The following PLPP3 variants were observed in gnomAD, a reference collection of about 807,000 sequenced individuals.
PLPP3 encodes phospholipid phosphatase 3.
In PLPP3, 6 loss-of-function variants were observed where a neutral mutation model predicts 29.6. That is an observed-to-expected ratio of 0.20 (90% confidence interval 0.11 to 0.40). The LOEUF is 0.40. Ranked by LOEUF, PLPP3 falls within the 10% of genes least tolerant of loss-of-function variation. The probability of loss-of-function intolerance (pLI) is 1.00; values close to 1 mark genes in which losing one functional copy is unlikely to be tolerated. For missense variants in PLPP3, 308 were observed against 407.7 expected, an observed-to-expected ratio of 0.76 and a Z score of 2.11; for synonymous variants, 152 against 159.7, an observed-to-expected ratio of 0.95 and a Z score of 0.36.
intron 1 of PLPP3, among the ~76,000 whole-genome samples, chr1:56,544,665 T>A (rs934304375): frequency 2.0e-5 from 3 of 152,238 alleles, no homozygotes; most frequent in African/African-American, 7.2e-5. Flanking sequence ...AAACAAGATA[T>A]GTAATAGAAC....
chr1:56,520,831 A>C (rs556337293), intron 4 of PLPP3, among the ~76,000 whole-genome samples: 1 of 143,794 alleles, frequency 7.0e-6, no homozygotes, highest in African/African-American at 2.6e-5. Flanking sequence ...GAATTGCTTG[A>C]ATCTGGGAGG....
intron 2 of PLPP3, among the ~76,000 whole-genome samples, chr1:56,533,312 A>G (rs1163644969): frequency 6.6e-6 from 1 of 152,068 alleles, no homozygotes; most frequent in Non-Finnish European, 1.5e-5. Flanking sequence ...GCCTTGGCCT[A>G]TGACAGTTTG....
chr1:56,579,185 C>T lies in PLPP3; in HGVS notation c.-169G>A. 1 of 771,142 alleles carries T rather than the reference C, an allele frequency of 1.3e-6. No individual in the cohort carries two copies. The highest frequency in any genetic ancestry group is 1.9e-6 in the Non-Finnish European group (1 of 513,976). The allele number at this position is 771,142 out of a possible 1,614,324, so 47.8% of individuals were successfully genotyped here. A position where few individuals can be genotyped will look rare whatever the true frequency, so the allele number is the denominator to read the frequency against. Reference sequence around the variant, plus strand: ...TGCAGCCGGGGCTGCCTGCCTCCAACTGCAGAAGGTGGTGTTTTCTGCTCC... The same window carrying T: ...TGCAGCCGGGGCTGCCTGCCTCCAATTGCAGAAGGTGGTGTTTTCTGCTCC... On this transcript the variant is annotated 5_prime_UTR_variant, in exon 1 of 6. Coordinates refer to ENST00000371250, the MANE Select transcript of PLPP3 (RefSeq NM_003713.5).
At chr1:56,563,545 C>T (rs978597802) in intron 1 of PLPP3, among the ~76,000 whole-genome samples, 1 of 152,188 alleles carries the variant, frequency 6.6e-6, no homozygotes, top group Non-Finnish European at 1.5e-5. Flanking sequence ...TAAGGCTCTA[C>T]AGAACTGGAA....
Position 56,578,952 on chromosome 1 carries a change from A to G in PLPP3, c.65T>C (p.Leu22Pro), listed in dbSNP as rs1646257786. 1.2e-6 allele frequency: 2 copies of G among 1,604,884 alleles called. No homozygotes were observed. ...GCCGCTCCTCCTCGGGTTGTTGTTG[A>G]GCGCCGGGCTGCCGCCGTTCTTGCT... ...PESKNGGSPALNNNPRRSGSK... is the reference protein window; with the variant it reads ...PESKNGGSPAPNNNPRRSGSK... Residue 22 changes from leucine (L) to proline (P), a missense_variant, in exon 1 of 6, where the codon CTC becomes CCC. Physicochemically the swap from Leu to Pro is moderately conservative, Grantham distance 98 (BLOSUM62 -3). This residue lies in a region of PLPP3 where 67 missense variants were observed against 61.3 expected (regional missense o/e 1.09). Coordinates refer to ENST00000371250, the MANE Select transcript of PLPP3 (RefSeq NM_003713.5).
chr1:56,567,042 A>G (rs1048081696), intron 1 of PLPP3, among the ~76,000 whole-genome samples: 1 of 152,144 alleles, frequency 6.6e-6, no homozygotes, highest in African/African-American at 2.4e-5. Flanking sequence ...TATAGGTTTT[A>G]CTATTTGCAT....
At chr1:56,557,924 A>G (rs138149580) in intron 1 of PLPP3, among the ~76,000 whole-genome samples, 68 of 152,254 alleles carry the variant, frequency 4.5e-4, no homozygotes, top group African/African-American at 1.5e-3. Flanking sequence ...TTCTTGCCTC[A>G]AAAGGCCCTT....
At chr1:56,555,657 G>A (rs1323841868) in intron 1 of PLPP3, among the ~76,000 whole-genome samples, 1 of 151,886 alleles carries the variant, frequency 6.6e-6, no homozygotes, top group Non-Finnish European at 1.5e-5. Context: ...GCTTAACAAG[G>A]GCCATCATGC....
chr1:56,550,279 T>A (rs1646029308), intron 1 of PLPP3, among the ~76,000 whole-genome samples: 1 of 152,132 alleles, frequency 6.6e-6, no homozygotes, highest in Admixed American at 6.5e-5. Context: ...GAGAACTGGC[T>A]ACAGTAAACA....
At chr1:56,534,503 C>T (rs1386996599) in intron 2 of PLPP3, among the ~76,000 whole-genome samples, 1 of 152,128 alleles carries the variant, frequency 6.6e-6, no homozygotes, top group Non-Finnish European at 1.5e-5. Context: ...ACAAACCTGA[C>T]ATTCAGCAGG....
At chr1:56,568,587 G>A (rs1280909962) in intron 1 of PLPP3, among the ~76,000 whole-genome samples, 1 of 152,158 alleles carries the variant, frequency 6.6e-6, no homozygotes, top group Non-Finnish European at 1.5e-5. Flanking sequence ...ATAGTTCAGA[G>A]GCTCCCAACC....
At chr1:56,554,301 G>C (rs1024857450) in intron 1 of PLPP3, among the ~76,000 whole-genome samples, 2 of 152,088 alleles carry the variant, frequency 1.3e-5, no homozygotes, top group African/African-American at 4.8e-5. Flanking sequence ...GGCCGGGCGC[G>C]GTGGCTGACG....
chr1:56,545,633 G>C (rs1368968069), intron 1 of PLPP3, among the ~76,000 whole-genome samples: 1 of 152,154 alleles, frequency 6.6e-6, no homozygotes, highest in African/African-American at 2.4e-5. Flanking sequence ...ATTCTCAAAA[G>C]ATCACATGAT....
chr1:56,517,696 A>G (rs1645790898), intron 4 of PLPP3, among the ~76,000 whole-genome samples: 1 of 152,240 alleles, frequency 6.6e-6, no homozygotes, highest in Non-Finnish European at 1.5e-5. Flanking sequence ...ACTGCTTCAC[A>G]TAAAGTCTTA....
chr1:56,537,454 C>A (rs1288929772), intron 1 of PLPP3, among the ~76,000 whole-genome samples: 1 of 152,176 alleles, frequency 6.6e-6, no homozygotes, highest in Non-Finnish European at 1.5e-5. Flanking sequence ...ACTAATATAG[C>A]CCCAAATCTC....
At chr1:56,557,012 G>GAAAGAAAGAAAGAAGGAA (rs60511169) in intron 1 of PLPP3, among the ~76,000 whole-genome samples, 1 of 9,104 alleles carries the variant, frequency 1.1e-4, no homozygotes, top group Non-Finnish European at 2.7e-4. Flanking sequence ...GAAAGAAAGA[G>GAAAGAAAGAAAGAAGGAA]AGAGAGAGAG....
chr1:56,498,085 G>A (rs1248333314), intron 5 of PLPP3, among the ~76,000 whole-genome samples: 3 of 151,700 alleles, frequency 2.0e-5, no homozygotes, highest in Non-Finnish European at 4.4e-5. Flanking sequence ...GCTACTACAA[G>A]AAAATGAAAT....
intron 1 of PLPP3, among the ~76,000 whole-genome samples, chr1:56,569,402 G>A (rs923504298): frequency 6.6e-6 from 1 of 151,974 alleles, no homozygotes; most frequent in Non-Finnish European, 1.5e-5. Flanking sequence ...TCAAACTCCT[G>A]ACCTCGTGAT....
intron 1 of PLPP3, among the ~76,000 whole-genome samples, chr1:56,566,644 A>G (rs1646163713): frequency 6.6e-6 from 1 of 152,186 alleles, no homozygotes; most frequent in East Asian, 1.9e-4. Context: ...CCAGGTTTGA[A>G]ACATTTCCCT....
Sources: allele counts gnomAD v4.1 joint callset (sites outside exome capture counted in the v4.1 genomes callset), GRCh38; gene constraint gnomAD v4.1.1; regional missense constraint gnomAD v4.1.1; transcripts MANE v1.5; gene names NCBI Gene and HGNC (gene_info 2026-07-23, HGNC 2026-07-21).